The following CYRIB variants were observed in gnomAD, a reference collection of about 807,000 sequenced individuals.
The protein encoded by CYRIB is CYFIP related Rac1 interactor B.
Under a neutral mutation model 44.2 loss-of-function variants are expected in CYRIB, and 8 were observed. The ratio of observed to expected loss-of-function variants is 0.18; its 90% CI spans 0.11 to 0.33. The LOEUF (loss-of-function observed/expected upper bound fraction) is 0.33. CYRIB is among the 10% of genes least tolerant of loss of function. CYRIB has a pLI of 1.00. For synonymous variants in CYRIB, 131 were observed against 127.2 expected (o/e 1.03, Z -0.20); for missense variants, 185 against 382.8 (o/e 0.48, Z 4.31).
At chr8:129,855,848 T>C in intron 5 of CYRIB, 101 bp from the exon 8 acceptor site, 1 of 1,155,780 alleles carries the variant, frequency 8.7e-7, no homozygotes. Flanking sequence ...CCAGAAAAGT[T>C]CTCTTTAAAA....
At chr8:129,991,133 G>GAAAAAA (rs35682865) in intron 1 of CYRIB, among the ~76,000 whole-genome samples, 3 of 67,764 alleles carry the variant, frequency 4.4e-5, no homozygotes, top group Admixed American at 1.7e-4. Flanking sequence ...CTCTGTCTCA[G>GAAAAAA]AAAAAAAAAA....
chr8:129,905,201 G>GGACTGATT (rs1554601447), intron 1 of CYRIB, among the ~76,000 whole-genome samples: 1 of 150,384 alleles, frequency 6.6e-6, no homozygotes, highest in Admixed American at 6.6e-5. Flanking sequence ...CACCCAGGCT[G>GGACTGATT]GATTGATTGA....
intron 1 of CYRIB, among the ~76,000 whole-genome samples, chr8:130,008,906 G>C (rs942654758): frequency 6.6e-6 from 1 of 152,154 alleles, no homozygotes; most frequent in Non-Finnish European, 1.5e-5. Context: ...AGCAAAGCTG[G>C]GGCTGGTGAA....
chr8:129,965,984 T>C lies in CYRIB; in HGVS notation c.-243+4959A>G, dbSNP rs146380737. On this transcript the variant is annotated intron_variant, in intron 2 of 14. Coordinates refer to the CYRIB transcript ENST00000401979. ...CTCCTACGTCGGCTTCCCGAGTAAC[T>C]GGGATTACATACAGGTGTGGGCCAC... 2.2e-3 allele frequency among the ~76,000 whole-genome samples: 338 copies of C among 152,128 alleles called. 2 individuals carry two copies. Among genetic ancestry groups the C allele is most frequent in the African/African-American group, 8.0e-3 (331 of 41,522 alleles).
chr8:130,014,976 C>T (rs939710325), intron 1 of CYRIB, among the ~76,000 whole-genome samples: 3 of 152,202 alleles, frequency 2.0e-5, no homozygotes, highest in African/African-American at 4.8e-5. Flanking sequence ...AGTCACCTGG[C>T]GGTGGCAATC....
Position 129,996,777 on chromosome 8 carries a change from G to A in CYRIB, c.-296+19593C>T, listed in dbSNP as rs79457329. 1.5e-3 allele frequency among the ~76,000 whole-genome samples: 228 copies of A among 152,000 alleles called. 1 individual carries two copies. Among genetic ancestry groups the A allele is most frequent in the Non-Finnish European group, 2.1e-3 (143 of 67,988 alleles). On this transcript the variant is annotated intron_variant, in intron 1 of 14. Coordinates refer to the CYRIB transcript ENST00000401979. ...CTTCCTGTGACCAACTTACTGTTTG[G>A]GATCTAATGTATTCTGTACCCTCCC...
intron 1 of CYRIB, among the ~76,000 whole-genome samples, chr8:129,991,943 CAA>C (rs35897320): frequency 9.9e-4 from 19 of 19,196 alleles, no homozygotes; most frequent in South Asian, 7.6e-3. Context: ...AGCAGAGTCG[CAA>C]AAAAAAAAAA....
At chr8:129,939,113 G>A (rs1337307286) in intron 1 of CYRIB, among the ~76,000 whole-genome samples, 1 of 152,144 alleles carries the variant, frequency 6.6e-6, no homozygotes, top group Non-Finnish European at 1.5e-5. Context: ...CCAGGGACCA[G>A]GAGGGCTGGG....
intron 2 of CYRIB, among the ~76,000 whole-genome samples, chr8:129,958,937 C>T (rs1252128983): frequency 1.3e-5 from 2 of 151,276 alleles, no homozygotes; most frequent in African/African-American, 4.9e-5. Context: ...TGATGGCGGG[C>T]GCCTGTAATC....
At chr8:129,939,347 G>C (rs982505730) in intron 1 of CYRIB, among the ~76,000 whole-genome samples, 1 of 151,676 alleles carries the variant, frequency 6.6e-6, no homozygotes, top group Admixed American at 6.6e-5. Context: ...CGCGCGTGGA[G>C]GTGCCAATGG....
chr8:129,907,966 C>G (rs1182065948), intron 1 of CYRIB, among the ~76,000 whole-genome samples: 4 of 152,204 alleles, frequency 2.6e-5, no homozygotes, highest in Non-Finnish European at 5.9e-5. Flanking sequence ...CACACCATTA[C>G]ACTCCAGCCT....
chr8:129,965,660 G>A (rs1049354044), intron 2 of CYRIB, among the ~76,000 whole-genome samples: 3 of 151,848 alleles, frequency 2.0e-5, no homozygotes, highest in Non-Finnish European at 4.4e-5. Context: ...ACCGGGCGTG[G>A]TGGTGGGTGC....
intron 2 of CYRIB, among the ~76,000 whole-genome samples, chr8:129,895,758 C>T (rs532779954): frequency 9.9e-5 from 15 of 152,150 alleles, no homozygotes; most frequent in South Asian, 4.2e-4. Context: ...ATTTGAAACA[C>T]GGTCTTGCTC....
intron 1 of CYRIB, among the ~76,000 whole-genome samples, chr8:129,921,378 T>C (rs1341636245): frequency 6.6e-6 from 1 of 152,252 alleles, no homozygotes; most frequent in Admixed American, 6.5e-5. Context: ...CAGCCATTAT[T>C]TGAGTGTATG....
intron 1 of CYRIB, among the ~76,000 whole-genome samples, chr8:129,992,447 TC>T (rs1341974915): frequency 6.6e-6 from 1 of 152,152 alleles, no homozygotes; most frequent in Non-Finnish European, 1.5e-5. Flanking sequence ...GGAACAGCGC[TC>T]ACAAAGATAA....
chr8:129,947,441 G>C (rs1429713717), intron 2 of CYRIB, among the ~76,000 whole-genome samples: 1 of 152,106 alleles, frequency 6.6e-6, no homozygotes, highest in Non-Finnish European at 1.5e-5. Flanking sequence ...ACCACCTCTT[G>C]TTACAATGTC....
At chr8:129,882,957 G>T (rs901541267) in intron 2 of CYRIB, among the ~76,000 whole-genome samples, 2 of 151,582 alleles carry the variant, frequency 1.3e-5, no homozygotes, top group East Asian at 3.9e-4. Flanking sequence ...CAGCACTTTG[G>T]GATGCCAAGG....
chr8:129,999,014 C>T (rs986231230), intron 1 of CYRIB, among the ~76,000 whole-genome samples: 2 of 152,178 alleles, frequency 1.3e-5, no homozygotes, highest in African/African-American at 4.8e-5. Flanking sequence ...CAGCTCAGCT[C>T]AAACTTGGCA....
rs575892625 is a variant in CYRIB at position 129,855,119 on chromosome 8, G to A, written c.438+492C>T. Among the ~76,000 whole-genome samples, 13 of 152,202 alleles carry A rather than the reference G, an allele frequency of 8.5e-5. No individual in the cohort carries two copies. In the South Asian group the frequency reaches 1.7e-3, roughly 19 times the overall value. ...GAAAAAAAGCTCAACCTTTTGTTTC[G>A]GAGATTAATTTTTAAACAAGGTTAA... On this transcript the variant is annotated intron_variant, in intron 6 of 11. Coordinates refer to ENST00000519824, the Ensembl canonical transcript of CYRIB.
Sources: allele counts gnomAD v4.1 joint callset (sites outside exome capture counted in the v4.1 genomes callset), GRCh38; gene constraint gnomAD v4.1.1; transcripts MANE v1.5; gene names NCBI Gene and HGNC (gene_info 2026-07-23, HGNC 2026-07-21).